Variants in TNIK observed in about 807,000 individuals in gnomAD.
The protein encoded by TNIK is TRAF2 and NCK interacting kinase.
TNIK carries 49 observed loss-of-function variants against 191.3 expected under a neutral mutation model. The observed-to-expected ratio is 0.26, with a 90% confidence interval of 0.20 to 0.32. The LOEUF (loss-of-function observed/expected upper bound fraction) is 0.32, where lower values mean the gene tolerates loss of function less well. Ranked by LOEUF, TNIK falls within the 10% of genes least tolerant of loss-of-function variation. TNIK has a pLI of 1.00. For synonymous variants in TNIK, 594 were observed against 600.9 expected (o/e 0.99, Z 0.17); for missense variants, 1,155 against 1,702.3 (o/e 0.68, Z 5.66).
intron 1 of TNIK, among the ~76,000 whole-genome samples, chr3:171,427,606 C>G (rs1007616340): frequency 3.3e-5 from 5 of 152,286 alleles, no homozygotes; most frequent in Non-Finnish European, 7.4e-5. Context: ...TATTATTACC[C>G]TCTAAGCCTT....
intron 2 of TNIK, among the ~76,000 whole-genome samples, chr3:171,346,250 C>G (rs1308113608): frequency 6.6e-6 from 1 of 152,102 alleles, no homozygotes; most frequent in Non-Finnish European, 1.5e-5. Flanking sequence ...AATTGAGTCA[C>G]TGTAGATAAA....
chr3:171,288,807 CAAA>C (rs10666822), intron 2 of TNIK, among the ~76,000 whole-genome samples: 4 of 109,066 alleles, frequency 3.7e-5, no homozygotes, highest in African/African-American at 7.1e-5. Context: ...GACTCCATCT[CAAA>C]AAAAAAAAAA....
chr3:171,313,239 G>GCTTTCTTTCTTT (rs71762733), intron 2 of TNIK, among the ~76,000 whole-genome samples: 29 of 150,276 alleles, frequency 1.9e-4, no homozygotes, highest in African/African-American at 6.9e-4. Context: ...CCAACATTTA[G>GCTTTCTTTCTTT]CTTTCTTTCT....
At chr3:171,316,117 G>T (rs896763178) in intron 2 of TNIK, among the ~76,000 whole-genome samples, 8 of 152,052 alleles carry the variant, frequency 5.3e-5, no homozygotes, top group Admixed American at 5.2e-4. Flanking sequence ...TGGGTTTGGT[G>T]CTTATCACCT....
chr3:171,156,147 A>G (rs1279453362), intron 12 of TNIK, among the ~76,000 whole-genome samples: 1 of 152,220 alleles, frequency 6.6e-6, no homozygotes, highest in East Asian at 1.9e-4. Context: ...ATGATAGTAG[A>G]TGAGATAGTG....
At chr3:171,152,179 G>A (rs566798822) in intron 12 of TNIK, among the ~76,000 whole-genome samples, 19 of 152,202 alleles carry the variant, frequency 1.2e-4, no homozygotes, top group Admixed American at 1.2e-3. Flanking sequence ...TACTCGGATG[G>A]CTGAGGCATA....
At chr3:171,190,011 C>T (rs903679648) in intron 6 of TNIK, among the ~76,000 whole-genome samples, 2 of 152,062 alleles carry the variant, frequency 1.3e-5, no homozygotes, top group Non-Finnish European at 2.9e-5. Context: ...ATATGGACAG[C>T]GATTCTTTTC....
intron 3 of TNIK, among the ~76,000 whole-genome samples, chr3:171,211,553 A>G (rs1260551797): frequency 6.6e-6 from 1 of 152,196 alleles, no homozygotes; most frequent in Non-Finnish European, 1.5e-5. Flanking sequence ...AATTCACTGT[A>G]GGCCTCTGGG....
intron 2 of TNIK, among the ~76,000 whole-genome samples, chr3:171,335,215 A>T (rs1175934835): frequency 6.6e-6 from 1 of 152,168 alleles, no homozygotes; most frequent in Non-Finnish European, 1.5e-5. Flanking sequence ...GTGCAAGAAA[A>T]TTTTGTTGAA....
At chr3:171,301,520 G>A (rs1217071362) in intron 2 of TNIK, among the ~76,000 whole-genome samples, 1 of 152,120 alleles carries the variant, frequency 6.6e-6, no homozygotes, top group East Asian at 1.9e-4. Flanking sequence ...TCACCATATT[G>A]ACCAGGCTGG....
intron 4 of TNIK, among the ~76,000 whole-genome samples, chr3:171,203,444 T>C (rs1739661815): frequency 6.6e-6 from 1 of 152,190 alleles, no homozygotes; most frequent in East Asian, 1.9e-4. Flanking sequence ...CTGGTGCAAA[T>C]TTGATATGTG....
At chr3:171,348,210 C>T (rs1236719084) in intron 2 of TNIK, among the ~76,000 whole-genome samples, 2 of 152,144 alleles carry the variant, frequency 1.3e-5, no homozygotes, top group Non-Finnish European at 2.9e-5. Flanking sequence ...CAAGTACTCC[C>T]TGGGGCACTC....
intron 12 of TNIK, among the ~76,000 whole-genome samples, chr3:171,154,219 T>A (rs925209668): frequency 2.7e-5 from 4 of 149,616 alleles, no homozygotes; most frequent in Non-Finnish European, 4.4e-5. Flanking sequence ...ACATTAATGC[T>A]CCATGATTAC....
At chr3:171,344,058 GTTTCA>G (rs1711740170) in intron 2 of TNIK, among the ~76,000 whole-genome samples, 1 of 152,136 alleles carries the variant, frequency 6.6e-6, no homozygotes, top group Non-Finnish European at 1.5e-5. Flanking sequence ...TTCCTAGAAA[GTTTCA>G]TTTATTTCTC....
intron 32 of TNIK, 98 bp downstream of exon 32, chr3:171,066,089 A>T (rs1315874576): frequency 6.9e-7 from 1 of 1,459,722 alleles, no homozygotes; most frequent in Non-Finnish European, 9.3e-7. Context: ...TTTAACACAG[A>T]TGTGATTCAA....
intron 32 of TNIK, among the ~76,000 whole-genome samples, chr3:171,064,549 C>T (rs536416486): frequency 2.0e-5 from 3 of 152,130 alleles, no homozygotes; most frequent in Non-Finnish European, 4.4e-5. Context: ...CAAGAGTTAA[C>T]GCATGGTTTC....
intron 1 of TNIK, among the ~76,000 whole-genome samples, chr3:171,373,389 A>G (rs1317630259): frequency 2.0e-5 from 3 of 152,042 alleles, no homozygotes; most frequent in African/African-American, 7.2e-5. Context: ...CCTTCCCCTA[A>G]GTTTCCACCC....
At chr3:171,222,935 GAA>G (rs902394247) in intron 3 of TNIK, among the ~76,000 whole-genome samples, 1 of 152,042 alleles carries the variant, frequency 6.6e-6, no homozygotes, top group African/African-American at 2.4e-5. Context: ...AAAAAGAAAA[GAA>G]AAGAAAAGAA....
chr3:171,101,786 G>A, intron 21 of TNIK, 153 bp from the exon 22 acceptor site: 2 of 704,360 alleles, frequency 2.8e-6, no homozygotes, highest in Non-Finnish European at 4.6e-6. Context: ...CTAAGAAAAT[G>A]ATGTTTGTAG....
Sources: gnomAD v4.1 joint callset for allele counts (sites outside exome capture counted in the v4.1 genomes callset) on GRCh38, gnomAD v4.1.1 for gene constraint, MANE v1.5 for transcripts, NCBI Gene and HGNC (gene_info 2026-07-23, HGNC 2026-07-21) for gene names.